ERCC6L2: variants seen among roughly 807,000 people sequenced by gnomAD.
ERCC6L2 encodes ERCC excision repair 6 like 2.
In ERCC6L2, 77 loss-of-function variants were observed where a neutral mutation model predicts 132.0. The observed-to-expected ratio is 0.58, with a 90% CI of 0.49 to 0.71. The LOEUF (loss-of-function observed/expected upper bound fraction) is 0.71. Ranked by LOEUF, ERCC6L2 falls within the 30% of genes least tolerant of loss-of-function variation. The pLI is 0.00. For missense variants in ERCC6L2, 1,542 were observed against 1,837.6 expected (o/e 0.84, Z 2.94); for synonymous variants, 583 against 632.4 (o/e 0.92, Z 1.17).
intron 4 of ERCC6L2, among the ~76,000 whole-genome samples, chr9:95,913,637 G>A (rs1782277591): frequency 6.6e-6 from 1 of 152,206 alleles, no homozygotes; most frequent in Non-Finnish European, 1.5e-5. Flanking sequence ...CATCACCTCA[G>A]AAAGTTATTT....
rs1186535854 is a variant in ERCC6L2 at position 95,915,825 on chromosome 9, G to A, written c.946G>A (p.Asp316Asn). The A allele has an allele frequency of 1.3e-6, 2 of 1,593,268 alleles. No individual in the cohort carries two copies. The change falls in exon 5 of 19, where the codon GAC becomes AAC. Residue 316 changes from aspartate to asparagine, a missense_variant. Coordinates refer to ENST00000653738, the MANE Select transcript of ERCC6L2 (RefSeq NM_020207.7). ...CATGAAGGAACTGTGGTGTGTTATG[G>A]ACTGGTGAGAGAAAACACTTTTTAA... ...NNMKELWCVM[D>N]WAVPGLLGSG...
intron 19 of ERCC6L2, chr9:96,026,081 C>G (rs1465390549): frequency 6.6e-6 from 1 of 152,430 alleles, no homozygotes; most frequent in Non-Finnish European, 1.5e-5. Flanking sequence ...AACCGGACCT[C>G]TGCACTTGCC....
At chr9:95,944,906 T>TA (rs1830980314) in intron 12 of ERCC6L2, among the ~76,000 whole-genome samples, 2 of 151,980 alleles carry the variant, frequency 1.3e-5, no homozygotes, top group African/African-American at 4.8e-5. Flanking sequence ...GGTAATAAGA[T>TA]ATCACAAGGC....
Position 96,016,308 on chromosome 9 carries a change from T to A in ERCC6L2, c.*3105T>A, listed in dbSNP as rs903976291. 5.9e-5 allele frequency among the ~76,000 whole-genome samples: 9 copies of A among 152,222 alleles called. No homozygotes were observed. The highest frequency in any genetic ancestry group is 1.3e-4 in the Non-Finnish European group (9 of 68,044). ...TTGCTTCAAGCAACACCACTGTGGC[T>A]CCATGGAGCACTAATTTGAAAACCA... On this transcript the variant is annotated 3_prime_UTR_variant, in exon 19 of 19. Transcript: ENST00000653738.
Position 95,881,114 on chromosome 9 carries a change from A to C in ERCC6L2, c.292A>C (p.Lys98Gln), listed in dbSNP as rs769745940. The C allele has an allele frequency of 6.2e-7, 1 of 1,613,398 alleles. No homozygotes were observed. The highest frequency in any genetic ancestry group is 2.2e-5 in the East Asian group (1 of 44,854). ...DLEKPYFPNR[K>Q]FPSSSVAFKL... The stretch of plus-strand genomic sequence containing the variant: ...AGAAAAACCTTATTTCCCAAACCGA[A>C]AATTTCCATCATCTTCTGTTGCTTT... Residue 98 changes from lysine (K) to glutamine (Q), a missense_variant, in exon 2 of 19, where the codon AAA becomes CAA. Physicochemically the swap from Lys to Gln is moderately conservative, Grantham distance 53. Coordinates refer to ENST00000653738, the MANE Select transcript of ERCC6L2 (RefSeq NM_020207.7).
intron 11 of ERCC6L2, among the ~76,000 whole-genome samples, chr9:95,931,893 G>T (rs1207851653): frequency 1.3e-5 from 2 of 150,948 alleles, no homozygotes. Context: ...TTTAACAATG[G>T]CCTTTTTTTT....
Position 96,034,716 on chromosome 9 carries a change from G to A in ERCC6L2, c.*1504-4160G>A, listed in dbSNP as rs527778796. On this transcript the variant is annotated intron_variant and NMD_transcript_variant, in intron 19 of 20. Transcript: ENST00000670016. ...TCTGAGTTTGGGTGGGAATTCCCTG[G>A]GTGCTGCTGCAGCTGCCCAAGCTGC... is the stretch of plus-strand genomic sequence containing the variant. Among the ~76,000 whole-genome samples, 573 of 150,850 alleles carry A rather than the reference G, an allele frequency of 3.8e-3. 4 individuals carry two copies. The highest frequency in any genetic ancestry group is 0.012 in the African/African-American group (499 of 40,880).
chr9:95,894,875 C>T (rs1285579056), intron 2 of ERCC6L2, among the ~76,000 whole-genome samples: 1 of 152,070 alleles, frequency 6.6e-6, no homozygotes, highest in Admixed American at 6.5e-5. Flanking sequence ...GGATTACAGG[C>T]GTGAGCCACT....
At chr9:95,966,003 G>GGT (rs746311414) in intron 13 of ERCC6L2, among the ~76,000 whole-genome samples, 16 of 152,106 alleles carry the variant, frequency 1.1e-4, no homozygotes, top group Non-Finnish European at 2.4e-4. Flanking sequence ...ATACTGAAAT[G>GGT]GTGTTTTTAA....
intron 17 of ERCC6L2, among the ~76,000 whole-genome samples, chr9:95,980,868 C>T (rs1397471423): frequency 3.3e-5 from 5 of 152,140 alleles, no homozygotes; most frequent in Non-Finnish European, 5.9e-5. Context: ...AAACCTCAGA[C>T]CTCCCACCGA....
chr9:95,999,848 A>G (rs926201277), intron 17 of ERCC6L2, among the ~76,000 whole-genome samples: 8 of 151,790 alleles, frequency 5.3e-5, no homozygotes, highest in East Asian at 1.9e-4. Flanking sequence ...ATCTTTTTCA[A>G]ACTTTAAAGA....
At chr9:95,883,299 A>G (rs1467174238) in intron 2 of ERCC6L2, among the ~76,000 whole-genome samples, 5 of 152,186 alleles carry the variant, frequency 3.3e-5, no homozygotes, top group Non-Finnish European at 7.3e-5. Flanking sequence ...ATCCTTGGCT[A>G]CAGTGCCTGA....
chr9:96,039,248 T>A (rs987111341), intron 20 of ERCC6L2, among the ~76,000 whole-genome samples: 6 of 152,080 alleles, frequency 3.9e-5, no homozygotes, highest in Non-Finnish European at 8.8e-5. Flanking sequence ...ATGGGGTGGG[T>A]CCCAAGTGAA....
chr9:95,927,858 G>A (rs1329198245), intron 9 of ERCC6L2, among the ~76,000 whole-genome samples: 1 of 151,984 alleles, frequency 6.6e-6, no homozygotes, highest in Non-Finnish European at 1.5e-5. Flanking sequence ...AAGTCTTTGG[G>A]AACTTTACCT....
downstream of ERCC6L2, chr9:96,020,538 C>T (rs893463421): frequency 5.7e-6 from 2 of 352,090 alleles, no homozygotes; most frequent in South Asian, 4.3e-5. Flanking sequence ...TCAAAGACCC[C>T]TTAGGGCACA....
Position 96,013,053 on chromosome 9 carries a change from T to C in ERCC6L2, c.4503T>C (p.Thr1501=). The change falls in exon 19 of 19, where the codon ACT becomes ACC. Residue 1501 remains threonine (T), a synonymous_variant. Transcript: ENST00000653738. ...SKLTDLAVIE[T]LCEKAPLAAP... Reference sequence around the variant, plus strand: ...TCACAGACTTGGCAGTAATAGAGACTCTGTGTGAAAAAGCACCTCTAGCAG... The same window carrying C: ...TCACAGACTTGGCAGTAATAGAGACCCTGTGTGAAAAAGCACCTCTAGCAG... 1 of 1,367,608 alleles carries C rather than the reference T, an allele frequency of 7.3e-7. No homozygotes were observed. The highest frequency in any genetic ancestry group is 9.8e-7 in the Non-Finnish European group (1 of 1,021,832). 84.7% of individuals were successfully genotyped at this position (1,367,608 alleles called of 1,614,324 possible).
At chr9:95,895,775 T>G (rs1046564058) in intron 2 of ERCC6L2, among the ~76,000 whole-genome samples, 11 of 149,700 alleles carry the variant, frequency 7.3e-5, no homozygotes, top group Non-Finnish European at 1.5e-4. Context: ...TTGCCCAGGC[T>G]GGAGTGTAGT....
intron 17 of ERCC6L2, among the ~76,000 whole-genome samples, chr9:95,980,544 CAG>C (rs1832848799): frequency 6.6e-6 from 1 of 152,094 alleles, no homozygotes; most frequent in Admixed American, 6.6e-5. Flanking sequence ...AGCTGTCTCA[CAG>C]AATTTCTGAG....
At chr9:95,908,435 C>T (rs1481822746) in intron 4 of ERCC6L2, among the ~76,000 whole-genome samples, 1 of 152,158 alleles carries the variant, frequency 6.6e-6, no homozygotes, top group Non-Finnish European at 1.5e-5. Flanking sequence ...TCAGGAGAAA[C>T]CAAATTTGCT....
Sources: gnomAD v4.1 joint callset for allele counts (sites outside exome capture counted in the v4.1 genomes callset) on GRCh38, gnomAD v4.1.1 for gene constraint, MANE v1.5 for transcripts, NCBI Gene and HGNC (gene_info 2026-07-23, HGNC 2026-07-21) for gene names.